LRPPRC: variants seen among roughly 807,000 people sequenced by gnomAD.
LRPPRC encodes leucine rich pentatricopeptide repeat containing, also known as leucine-rich PPR motif-containing protein, mitochondrial.
In LRPPRC, 120 loss-of-function variants were observed where a neutral mutation model predicts 180.3. That is an observed-to-expected ratio of 0.67 (90% CI 0.57 to 0.77). The LOEUF is 0.77. LRPPRC is among the 30% of genes least tolerant of loss of function. LRPPRC has a pLI of 0.00. For synonymous variants in LRPPRC, 723 were observed against 600.0 expected (o/e 1.21, Z -3.00); for missense variants, 2,012 against 1,657.2 (o/e 1.21, Z -3.72).
chr2:43,937,468 T>C (rs574694253), intron 23 of LRPPRC, among the ~76,000 whole-genome samples: 2 of 152,328 alleles, frequency 1.3e-5, no homozygotes, highest in South Asian at 2.1e-4. Flanking sequence ...TATGTCACTA[T>C]TAATCTTTCA....
rs554867255 is a variant in LRPPRC at position 43,985,904 on chromosome 2, G to A, written c.150-3470C>T. 1.4e-4 allele frequency among the ~76,000 whole-genome samples: 22 copies of A among 152,276 alleles called. No individual in the cohort carries two copies. The South Asian group carries it at 4.6e-3, about 32-fold the overall frequency. On this transcript the variant is annotated intron_variant, in intron 1 of 37. Transcript: ENST00000260665. The stretch of plus-strand genomic sequence containing the variant: ...AACTATCAAACTATCTTCCAAAATA[G>A]CTATACCATTTTGCTTTCCTACTAG...
intron 11 of LRPPRC, among the ~76,000 whole-genome samples, chr2:43,967,169 T>C (rs989079093): frequency 6.6e-6 from 1 of 151,960 alleles, no homozygotes; most frequent in African/African-American, 2.4e-5. Context: ...GAAGCCAAGG[T>C]GGGAGGATTG....
intron 30 of LRPPRC, among the ~76,000 whole-genome samples, chr2:43,907,217 C>A (rs1210918441): frequency 6.6e-6 from 1 of 152,160 alleles, no homozygotes; most frequent in Non-Finnish European, 1.5e-5. Flanking sequence ...CTCTCTCAAG[C>A]TGCCTGCTCA....
chr2:43,996,012 A>T, upstream of LRPPRC: 1 of 1,500,390 alleles, frequency 6.7e-7, no homozygotes, highest in African/African-American at 1.4e-5. Flanking sequence ...ATGTGACCGC[A>T]GGGTAGCCTG....
rs1212756511 is a variant in LRPPRC at position 43,934,741 on chromosome 2, GA to G, written c.2629+12del. On this transcript the variant is annotated intron_variant, in intron 24 of 37. Transcript: ENST00000260665. Reference sequence around the variant, plus strand: ...AAAAAAAAACTACATTAAGATACTAGAAAGTGACTCACCTTTCTGAATTAGA... The same window carrying G: ...AAAAAAAAACTACATTAAGATACTAGAAGTGACTCACCTTTCTGAATTAGA... 6.2e-7 allele frequency: 1 copy of G among 1,611,250 alleles called. No homozygotes were observed. Among genetic ancestry groups the G allele is most frequent in the South Asian group, 1.1e-5 (1 of 91,014 alleles).
chr2:43,950,467 G>C (rs1002569600), intron 15 of LRPPRC, 106 bp downstream of exon 15: 2 of 1,029,294 alleles, frequency 1.9e-6, no homozygotes, highest in East Asian at 4.8e-5. Context: ...CAAAATTTTA[G>C]TAGAAAACCA....
intron 29 of LRPPRC, among the ~76,000 whole-genome samples, chr2:43,916,674 T>C (rs1031787779): frequency 6.6e-6 from 1 of 151,964 alleles, no homozygotes; most frequent in Admixed American, 6.6e-5. Context: ...ATAGTACAGG[T>C]TGGGGGTGGT....
chr2:43,971,766 C>T (rs1037668833), intron 11 of LRPPRC, among the ~76,000 whole-genome samples: 6 of 152,080 alleles, frequency 3.9e-5, no homozygotes, highest in South Asian at 2.1e-4. Flanking sequence ...TCTTACCTTA[C>T]ACTAAAGAAA....
At position 43,995,968 on chromosome 2, in the gene LRPPRC, G is replaced by T. The variant is rs763181065; in HGVS notation, c.-21C>A. ...GCCATTGCTCGAACGTCCCCGCAGC[G>T]GGAAGCACGCTCCGCCAGAAGGACA... On this transcript the variant is annotated 5_prime_UTR_variant, in exon 1 of 38. Coordinates refer to ENST00000260665, the MANE Select transcript of LRPPRC (RefSeq NM_133259.4). 3.3e-5 allele frequency: 50 copies of T among 1,523,634 alleles called. No individual in the cohort carries two copies. The highest frequency in any genetic ancestry group is 3.8e-5 in the Non-Finnish European group (43 of 1,142,178). 94.4% of individuals were successfully genotyped at this position (1,523,634 alleles called of 1,614,324 possible).
At position 43,888,364 on chromosome 2, in the gene LRPPRC, C is replaced by G; in HGVS notation, c.*236G>C. Reference sequence around the variant, plus strand: ...GGGGAAGAATCCTGAAAAAGTATGGCTTCACACAGCAGCAGCATTGAAGAA... The same window carrying G: ...GGGGAAGAATCCTGAAAAAGTATGGGTTCACACAGCAGCAGCATTGAAGAA... On this transcript the variant is annotated 3_prime_UTR_variant, in exon 38 of 38. Coordinates refer to ENST00000260665, the MANE Select transcript of LRPPRC (RefSeq NM_133259.4). 2.3e-6 allele frequency: 1 copy of G among 428,308 alleles called. No homozygotes were observed. Among genetic ancestry groups the G allele is most frequent in the South Asian group, 2.5e-5 (1 of 40,388 alleles). The allele number at this position is 428,308 out of a possible 1,614,324, so 26.5% of individuals were successfully genotyped here.
At chr2:43,906,198 C>A (rs1671062536) in intron 30 of LRPPRC, among the ~76,000 whole-genome samples, 1 of 151,968 alleles carries the variant, frequency 6.6e-6, no homozygotes, top group Non-Finnish European at 1.5e-5. Context: ...GATTTATTTT[C>A]AGCACTGTAC....
intron 35 of LRPPRC, among the ~76,000 whole-genome samples, chr2:43,896,075 C>T (rs1323232798): frequency 1.3e-5 from 2 of 151,972 alleles, no homozygotes; most frequent in East Asian, 1.9e-4. Context: ...ATGGTTTATA[C>T]CTGATAAATG....
At chr2:43,919,433 A>G (rs1472668270) in intron 27 of LRPPRC, among the ~76,000 whole-genome samples, 3 of 152,188 alleles carry the variant, frequency 2.0e-5, no homozygotes, top group Non-Finnish European at 4.4e-5. Flanking sequence ...AGAATTGTCT[A>G]TGTTTCTTGT....
chr2:43,976,095 T>A (rs750072948), intron 6 of LRPPRC, 48 bp downstream of exon 6: 5 of 1,078,678 alleles, frequency 4.6e-6, no homozygotes, highest in Non-Finnish European at 7.2e-6. Context: ...CACTTTAGCA[T>A]CTCAGCCATC....
chr2:43,934,309 G>C lies in LRPPRC; in HGVS notation c.2630-13C>G, dbSNP rs1672193790. 7.0e-6 allele frequency: 9 copies of C among 1,282,876 alleles called. No homozygotes were observed. Among genetic ancestry groups the C allele is most frequent in the Non-Finnish European group, 9.0e-6 (8 of 886,746 alleles). 79.5% of individuals were successfully genotyped at this position (1,282,876 alleles called of 1,614,324 possible). On this transcript the variant is annotated splice_polypyrimidine_tract_variant and intron_variant, in intron 24 of 37. Coordinates refer to ENST00000260665, the MANE Select transcript of LRPPRC (RefSeq NM_133259.4). ...ACAAAGTCCATTGCTAGGTAGGAGA[G>C]AAAAAAATATATATATTAGGAGAAA...
chr2:43,980,061 GA>G, intron 2 of LRPPRC, 113 bp from the exon 3 acceptor site: 1 of 997,382 alleles, frequency 1.0e-6, no homozygotes, highest in Non-Finnish European at 1.6e-6. Flanking sequence ...GGCTCAAACT[GA>G]GAGTAACCAT....
Position 43,919,326 on chromosome 2 carries a change from G to A in LRPPRC, c.2897-928C>T, listed in dbSNP as rs531848006. On this transcript the variant is annotated intron_variant, in intron 27 of 37. Coordinates refer to ENST00000260665, the MANE Select transcript of LRPPRC (RefSeq NM_133259.4). ...ACCAAAAAGGTTGGGGGCTGCTGCC[G>A]TATAGTACACAGCTGTGGTGTGTAC... 3.0e-4 allele frequency among the ~76,000 whole-genome samples: 45 copies of A among 152,270 alleles called. 1 individual carries two copies. Among genetic ancestry groups the A allele is most frequent in the African/African-American group, 8.9e-4 (37 of 41,556 alleles).
chr2:43,965,054 T>G (rs1673496569), intron 11 of LRPPRC, among the ~76,000 whole-genome samples: 3 of 152,006 alleles, frequency 2.0e-5, no homozygotes, highest in Admixed American at 1.3e-4. Flanking sequence ...CAAGCTGGAG[T>G]GCAGTGGTGT....
intron 1 of LRPPRC, 41 bp downstream of exon 1, chr2:43,995,758 T>C (rs1444124016): frequency 2.2e-6 from 3 of 1,347,596 alleles, no homozygotes; most frequent in Admixed American, 4.1e-5. Flanking sequence ...CGGGGGACCC[T>C]GGCGCCGCAG....
Sources: gnomAD v4.1 joint callset for allele counts (sites outside exome capture counted in the v4.1 genomes callset) on GRCh38, gnomAD v4.1.1 for gene constraint, MANE v1.5 for transcripts, NCBI Gene and HGNC (gene_info 2026-07-23, HGNC 2026-07-21) for gene names.